The following ANKRD44 variants were observed in gnomAD, a reference collection of about 807,000 sequenced individuals.
ANKRD44 encodes serine/threonine-protein phosphatase 6 regulatory ankyrin repeat subunit B.
In ANKRD44, 35 loss-of-function variants were observed where a neutral mutation model predicts 116.0. The observed-to-expected ratio is 0.30, with a 90% CI of 0.23 to 0.40. The LOEUF (loss-of-function observed/expected upper bound fraction) is 0.40. ANKRD44 is among the 10% of genes least tolerant of loss of function. The probability of loss-of-function intolerance (pLI) is 1.00; values close to 1 mark genes in which losing one functional copy is unlikely to be tolerated. For synonymous variants in ANKRD44, 435 were observed against 461.8 expected (o/e 0.94, Z 0.74); for missense variants, 1,014 against 1,242.6 (o/e 0.82, Z 2.77).
chr2:197,255,843 A>ATT (rs1384659676), intron 1 of ANKRD44, among the ~76,000 whole-genome samples: 5 of 152,254 alleles, frequency 3.3e-5, no homozygotes, highest in Non-Finnish European at 7.3e-5. Flanking sequence ...AGCAGGAAGG[A>ATT]CCCTGCGCTT....
At chr2:197,242,466 G>A (rs1038554087) in intron 1 of ANKRD44, among the ~76,000 whole-genome samples, 1 of 152,130 alleles carries the variant, frequency 6.6e-6, no homozygotes, top group South Asian at 2.1e-4. Context: ...GACAGGAGGA[G>A]CCAGACATCA....
chr2:197,259,321 A>G (rs1052651609), intron 1 of ANKRD44, among the ~76,000 whole-genome samples: 5 of 152,202 alleles, frequency 3.3e-5, no homozygotes, highest in Non-Finnish European at 5.9e-5. Context: ...CCCCTCCCAG[A>G]GCTAAACACT....
chr2:197,167,874 T>A (rs2125526547), intron 2 of ANKRD44, among the ~76,000 whole-genome samples: 1 of 152,350 alleles, frequency 6.6e-6, no homozygotes, highest in African/African-American at 2.4e-5. Flanking sequence ...AGAGTGAGAC[T>A]ATCCCAGAGG....
At chr2:197,074,559 A>C (rs1437691423) in intron 16 of ANKRD44, among the ~76,000 whole-genome samples, 1 of 152,030 alleles carries the variant, frequency 6.6e-6, no homozygotes, top group East Asian at 1.9e-4. Flanking sequence ...GAAACCTCAA[A>C]CTCCTGGGCT....
Position 197,303,410 on chromosome 2 carries a change from G to A in ANKRD44, c.27+7168C>T, listed in dbSNP as rs986478626. On this transcript the variant is annotated intron_variant, in intron 1 of 27. Coordinates refer to ENST00000282272, the MANE Select transcript of ANKRD44 (RefSeq NM_001195144.2). ...TAGAAGAACCATGAGTAGAATCCAC[G>A]TCTTCTGATTCCCAATCTAGTGTTA... Among the ~76,000 whole-genome samples, 33 of 152,286 alleles carry A rather than the reference G, an allele frequency of 2.2e-4. No homozygotes were observed. In the South Asian group the frequency reaches 2.3e-3, roughly 11 times the overall value.
intron 3 of ANKRD44, among the ~76,000 whole-genome samples, chr2:197,140,259 G>A (rs1331026258): frequency 6.6e-6 from 1 of 152,128 alleles, no homozygotes; most frequent in Non-Finnish European, 1.5e-5. Flanking sequence ...CCCTCAGAAT[G>A]TATAAGATTG....
At chr2:197,205,858 G>A (rs950181232) in intron 1 of ANKRD44, among the ~76,000 whole-genome samples, 1 of 152,194 alleles carries the variant, frequency 6.6e-6, no homozygotes, top group Non-Finnish European at 1.5e-5. Flanking sequence ...AGATTCCTAG[G>A]TGAAGGTGTA....
At chr2:196,967,339 C>A in exon 22 of ANKRD44, 1 of 453,206 alleles carries the variant, frequency 2.2e-6, no homozygotes, top group Admixed American at 2.4e-5. Context: ...AGAGTGTAAC[C>A]CTTTGCGTTC....
chr2:197,265,577 G>A (rs914953965), intron 1 of ANKRD44, among the ~76,000 whole-genome samples: 1 of 152,060 alleles, frequency 6.6e-6, no homozygotes, highest in Non-Finnish European at 1.5e-5. Flanking sequence ...GAAGTTGTGG[G>A]CTACCTCTTT....
chr2:197,141,262 T>A (rs1362523315), intron 3 of ANKRD44, among the ~76,000 whole-genome samples: 2 of 152,106 alleles, frequency 1.3e-5, no homozygotes, highest in Non-Finnish European at 2.9e-5. Flanking sequence ...AAAAAGAGCA[T>A]CTCTTTGTTT....
chr2:197,040,430 G>A, intron 16 of ANKRD44, among the ~76,000 whole-genome samples: 1 of 134,640 alleles, frequency 7.4e-6, no homozygotes, highest in Non-Finnish European at 1.5e-5. Flanking sequence ...AGGCTGGAGT[G>A]CAGTGGCGCC....
intron 1 of ANKRD44, among the ~76,000 whole-genome samples, chr2:197,272,035 G>A (rs916280791): frequency 6.6e-6 from 1 of 152,118 alleles, no homozygotes; most frequent in Non-Finnish European, 1.5e-5. Flanking sequence ...TAGAGATTAC[G>A]ACCCTTATAA....
intron 25 of ANKRD44, among the ~76,000 whole-genome samples, chr2:196,997,691 C>A (rs1485719539): frequency 6.6e-6 from 1 of 151,928 alleles, no homozygotes; most frequent in East Asian, 1.9e-4. Flanking sequence ...TCAGGTAATC[C>A]ACCTGCCTCG....
chr2:197,062,476 C>T (rs560439485), intron 16 of ANKRD44, among the ~76,000 whole-genome samples: 1 of 152,316 alleles, frequency 6.6e-6, no homozygotes, highest in South Asian at 2.1e-4. Flanking sequence ...ATTGGATACC[C>T]TACTTAGAAG....
At chr2:197,284,986 T>C (rs1158645576) in intron 1 of ANKRD44, among the ~76,000 whole-genome samples, 2 of 151,788 alleles carry the variant, frequency 1.3e-5, no homozygotes, top group Non-Finnish European at 2.9e-5. Flanking sequence ...GTTAAGATAA[T>C]AGAAAGAGTG....
chr2:197,163,745 A>G (rs1421708123), intron 2 of ANKRD44, among the ~76,000 whole-genome samples: 1 of 152,166 alleles, frequency 6.6e-6, no homozygotes, highest in African/African-American at 2.4e-5. Context: ...CTCCTACCTC[A>G]GGCTCCCGAG....
chr2:197,185,790 G>T (rs1262296728), intron 2 of ANKRD44, among the ~76,000 whole-genome samples: 1 of 152,114 alleles, frequency 6.6e-6, no homozygotes, highest in East Asian at 1.9e-4. Flanking sequence ...CATATCTACT[G>T]CCTGTGACTT....
At chr2:197,067,260 T>A (rs539494058) in intron 16 of ANKRD44, among the ~76,000 whole-genome samples, 63 of 152,060 alleles carry the variant, frequency 4.1e-4, no homozygotes, top group Admixed American at 5.9e-4. Context: ...GATCCCTTCC[T>A]TACATCTTAT....
chr2:196,992,681 G>A (rs1167293259), intron 27 of ANKRD44: 1 of 152,650 alleles, frequency 6.6e-6, no homozygotes, highest in Non-Finnish European at 1.5e-5. Context: ...TGAGTCAGGT[G>A]GGGGACACAG....
Sources: gnomAD v4.1 joint callset for allele counts (sites outside exome capture counted in the v4.1 genomes callset) on GRCh38, gnomAD v4.1.1 for gene constraint, MANE v1.5 for transcripts, NCBI Gene and HGNC (gene_info 2026-07-23, HGNC 2026-07-21) for gene names.